The following GLIS3 variants were observed in gnomAD, a reference collection of about 807,000 sequenced individuals.
The protein encoded by GLIS3 is zinc finger protein GLIS3.
In GLIS3, 53 loss-of-function variants were observed where a neutral mutation model predicts 78.6. The ratio of observed to expected loss-of-function variants is 0.67; its 90% CI spans 0.54 to 0.85. The LOEUF (loss-of-function observed/expected upper bound fraction) is 0.85, where lower values mean the gene tolerates loss of function less well. Ranked by LOEUF, GLIS3 falls within the 40% of genes least tolerant of loss-of-function variation. The pLI, the probability that GLIS3 is intolerant of heterozygous loss-of-function variation, is 0.00. For synonymous variants in GLIS3, 684 were observed against 509.9 expected (o/e 1.34, Z -4.60); for missense variants, 1,703 against 1,231.1 (o/e 1.38, Z -5.74).
In GLIS3 at chr9:4,100,189, G is replaced by A. The variant is rs565591532; in HGVS notation, c.1710+17579C>T. Among the ~76,000 whole-genome samples, 3 of 152,312 alleles carry A rather than the reference G, an allele frequency of 2.0e-5. No individual in the cohort carries two copies. In the East Asian group the frequency reaches 5.8e-4, roughly 29 times the overall value. ...TAGAACAGAAACCAGAACAGGTGGT[G>A]TAGTATGCGGGTACTAGGTTTACAC... On this transcript the variant is annotated intron_variant, in intron 4 of 10. Coordinates refer to ENST00000381971, the MANE Select transcript of GLIS3 (RefSeq NM_001042413.2).
chr9:4,190,030 G>T (rs557813998), intron 2 of GLIS3, among the ~76,000 whole-genome samples: 42 of 152,120 alleles, frequency 2.8e-4, no homozygotes, highest in Admixed American at 6.6e-4. Context: ...AAAACCCATT[G>T]GTACATCACC....
chr9:4,204,125 A>G (rs1428102648), intron 2 of GLIS3, among the ~76,000 whole-genome samples: 1 of 152,228 alleles, frequency 6.6e-6, no homozygotes, highest in Non-Finnish European at 1.5e-5. Context: ...AGAGATTACT[A>G]AAATGTCAGA....
chr9:3,921,923 T>TATACACACACACAC (rs1554647308), intron 6 of GLIS3, among the ~76,000 whole-genome samples: 1 of 149,758 alleles, frequency 6.7e-6, no homozygotes, highest in African/African-American at 2.5e-5. Flanking sequence ...TCATACTGTG[T>TATACACACACACAC]ACACACACAC....
chr9:4,178,973 A>C (rs10733506), intron 2 of GLIS3, among the ~76,000 whole-genome samples: 1 of 152,042 alleles, frequency 6.6e-6, no homozygotes, highest in African/African-American at 2.4e-5. Context: ...AGTTTAAAGA[A>C]AATGTGAATT....
the GLIS3 span, among the ~76,000 whole-genome samples, chr9:4,453,835 C>T: frequency 1.7e-4 from 25 of 149,752 alleles, no homozygotes; most frequent in Non-Finnish European, 2.2e-4. Flanking sequence ...ACATCACACA[C>T]GGGGGCTTGT....
At chr9:3,915,132 G>C (rs1824419204) in intron 6 of GLIS3, among the ~76,000 whole-genome samples, 1 of 152,058 alleles carries the variant, frequency 6.6e-6, no homozygotes, top group Non-Finnish European at 1.5e-5. Flanking sequence ...CCCAAGACAG[G>C]GACTAGACTC....
At chr9:4,313,903 G>A (rs994348087) in intron 2 of GLIS3, among the ~76,000 whole-genome samples, 6 of 152,102 alleles carry the variant, frequency 3.9e-5, no homozygotes, top group African/African-American at 1.4e-4. Context: ...CACAGGCTTG[G>A]GCCTCAATAT....
chr9:3,941,229 G>C (rs1327403626), intron 4 of GLIS3, among the ~76,000 whole-genome samples: 2 of 152,164 alleles, frequency 1.3e-5, no homozygotes, highest in East Asian at 3.9e-4. Flanking sequence ...TTCAGACAAG[G>C]GTCACATGGA....
intron 3 of GLIS3, 45 bp downstream of exon 3, chr9:4,125,689 G>A: frequency 7.5e-7 from 1 of 1,324,576 alleles, no homozygotes; most frequent in Non-Finnish European, 1.1e-6. Context: ...CTTGTGGGGT[G>A]TGTTTATACC....
chr9:4,226,433 A>T (rs1242992161), intron 2 of GLIS3, among the ~76,000 whole-genome samples: 1 of 152,206 alleles, frequency 6.6e-6, no homozygotes, highest in Non-Finnish European at 1.5e-5. Context: ...ACAACATCTG[A>T]AACTCAAACA....
the GLIS3 span, among the ~76,000 whole-genome samples, chr9:4,377,898 G>C: frequency 3.3e-5 from 5 of 152,052 alleles, no homozygotes; most frequent in Admixed American, 3.3e-4. Context: ...CATGCTCTTA[G>C]AAGTTCATTT....
intron 2 of GLIS3, among the ~76,000 whole-genome samples, chr9:4,129,852 G>T (rs1018920897): frequency 2.6e-5 from 4 of 152,126 alleles, no homozygotes; most frequent in African/African-American, 9.7e-5. Context: ...CTCAGAAGAA[G>T]ACAGGAAGAT....
chr9:4,393,248 T>C, the GLIS3 span, among the ~76,000 whole-genome samples: 2 of 152,210 alleles, frequency 1.3e-5, no homozygotes, highest in Non-Finnish European at 2.9e-5. Flanking sequence ...CTATTTCTGT[T>C]ACTATTTCTA....
At chr9:4,259,753 T>C (rs950912478) in intron 2 of GLIS3, among the ~76,000 whole-genome samples, 41 of 152,228 alleles carry the variant, frequency 2.7e-4, no homozygotes, top group Non-Finnish European at 1.3e-4. Context: ...AGCACCCTCT[T>C]GTCACTGTGA....
At chr9:4,219,627 C>T (rs1821143891) in intron 2 of GLIS3, among the ~76,000 whole-genome samples, 1 of 152,170 alleles carries the variant, frequency 6.6e-6, no homozygotes, top group Admixed American at 6.5e-5. Flanking sequence ...AGATAAAATA[C>T]CTCCAGTTCC....
At chr9:4,254,921 A>C (rs1824772892) in intron 2 of GLIS3, among the ~76,000 whole-genome samples, 1 of 152,218 alleles carries the variant, frequency 6.6e-6, no homozygotes, top group South Asian at 2.1e-4. Flanking sequence ...CCACAGACTA[A>C]GAGAAAATAT....
the GLIS3 span, among the ~76,000 whole-genome samples, chr9:4,396,145 C>G: frequency 6.6e-6 from 1 of 151,284 alleles, no homozygotes; most frequent in South Asian, 2.1e-4. Flanking sequence ...TGGAATCTCA[C>G]TCCGTCACCC....
intron 5 of GLIS3, among the ~76,000 whole-genome samples, chr9:3,936,344 TG>T (rs907950082): frequency 5.3e-5 from 8 of 152,146 alleles, no homozygotes; most frequent in African/African-American, 1.9e-4. Flanking sequence ...AAAAGGCATT[TG>T]GGAATGAGCA....
At chr9:4,037,136 T>G (rs975633744) in intron 4 of GLIS3, among the ~76,000 whole-genome samples, 2 of 152,182 alleles carry the variant, frequency 1.3e-5, no homozygotes, top group Non-Finnish European at 2.9e-5. Flanking sequence ...ACTGAATACT[T>G]TGAAGATTAA....
Sources: gnomAD v4.1 joint callset for allele counts (sites outside exome capture counted in the v4.1 genomes callset) on GRCh38, gnomAD v4.1.1 for gene constraint, MANE v1.5 for transcripts, NCBI Gene and HGNC (gene_info 2026-07-23, HGNC 2026-07-21) for gene names.